Variants in RPS6KC1 observed in about 807,000 individuals in gnomAD.
The protein encoded by RPS6KC1 is ribosomal protein S6 kinase C1.
A neutral mutation model predicts 103.8 loss-of-function variants in RPS6KC1; 54 were observed. The observed-to-expected ratio is 0.52, with a 90% confidence interval of 0.42 to 0.65. The LOEUF is 0.65. RPS6KC1 is among the 30% of genes least tolerant of loss of function. RPS6KC1 has a pLI of 0.00. For synonymous variants in RPS6KC1, 439 were observed against 438.7 expected, an observed-to-expected ratio of 1.00 and a Z score of -0.01; for missense variants, 1,151 against 1,253.8, an observed-to-expected ratio of 0.92 and a Z score of 1.24.
chr1:213,430,290 A>C, the RPS6KC1 span, among the ~76,000 whole-genome samples: 2 of 152,248 alleles, frequency 1.3e-5, no homozygotes, highest in African/African-American at 4.8e-5. Flanking sequence ...ATTGAGCAGA[A>C]TTGCACGGTG....
At chr1:213,657,570 T>C in the RPS6KC1 span, among the ~76,000 whole-genome samples, 4 of 152,132 alleles carry the variant, frequency 2.6e-5, no homozygotes, top group Admixed American at 6.5e-5. Context: ...AATAACACGA[T>C]TACATCACCA....
intron 6 of RPS6KC1, 77 bp from the exon 7 acceptor site, chr1:213,167,781 A>G (rs1418223521): frequency 2.6e-6 from 2 of 757,050 alleles, no homozygotes; most frequent in Non-Finnish European, 4.3e-6. Context: ...CAAGCAGTGT[A>G]TTGGGTAGAA....
chr1:213,513,475 AG>A, the RPS6KC1 span, among the ~76,000 whole-genome samples: 1 of 141,336 alleles, frequency 7.1e-6, no homozygotes, highest in Non-Finnish European at 1.6e-5. Flanking sequence ...GAGATAGCAC[AG>A]TTCCTTCTCT....
chr1:213,082,453 A>G lies in RPS6KC1; in HGVS notation c.262+4637A>G, dbSNP rs545950705. On this transcript the variant is annotated intron_variant, in intron 3 of 14. Coordinates refer to ENST00000366960, the MANE Select transcript of RPS6KC1 (RefSeq NM_012424.6). ...CCCAAAAAAATAAATAATAAAAAAAAGTAGTGATTAGTTGGAGCCTCATGG... is the reference window on the plus strand; with the variant it reads ...CCCAAAAAAATAAATAATAAAAAAAGGTAGTGATTAGTTGGAGCCTCATGG... 3.3e-5 allele frequency among the ~76,000 whole-genome samples: 5 copies of G among 151,796 alleles called. No homozygotes were observed. In the South Asian group the frequency reaches 8.3e-4, roughly 25 times the overall value.
chr1:213,532,136 T>C, the RPS6KC1 span, among the ~76,000 whole-genome samples: 1 of 152,122 alleles, frequency 6.6e-6, no homozygotes. Context: ...AGGCTGCCCA[T>C]CAAAACACAT....
chr1:213,145,390 G>A (rs553751812), intron 6 of RPS6KC1, among the ~76,000 whole-genome samples: 24 of 152,200 alleles, frequency 1.6e-4, no homozygotes, highest in African/African-American at 5.3e-4. Flanking sequence ...TGCAGGATAC[G>A]ATATTTAGAA....
chr1:213,623,534 T>C, the RPS6KC1 span, among the ~76,000 whole-genome samples: 1 of 151,908 alleles, frequency 6.6e-6, no homozygotes, highest in Non-Finnish European at 1.5e-5. Context: ...GGCAAATACA[T>C]AAATAGATAA....
the RPS6KC1 span, among the ~76,000 whole-genome samples, chr1:213,850,948 C>G: frequency 5.9e-5 from 9 of 152,052 alleles, no homozygotes; most frequent in Non-Finnish European, 1.3e-4. Flanking sequence ...CATGTTTTCC[C>G]TCAAGGAAGT....
the RPS6KC1 span, among the ~76,000 whole-genome samples, chr1:213,333,689 C>T: frequency 6.6e-6 from 1 of 152,172 alleles, no homozygotes; most frequent in Non-Finnish European, 1.5e-5. Context: ...GATGGAATCT[C>T]GCTGTGTCAC....
intron 3 of RPS6KC1, among the ~76,000 whole-genome samples, chr1:213,092,626 C>T (rs944382017): frequency 6.7e-6 from 1 of 150,058 alleles, no homozygotes; most frequent in Non-Finnish European, 1.5e-5. Context: ...GAGCCCAGAT[C>T]GTGCCACTGC....
the RPS6KC1 span, among the ~76,000 whole-genome samples, chr1:213,311,191 T>C: frequency 6.6e-6 from 1 of 150,918 alleles, no homozygotes; most frequent in East Asian, 1.9e-4. Flanking sequence ...CAGGCTGGAG[T>C]GCAGTGACGC....
At chr1:213,565,164 A>G in the RPS6KC1 span, among the ~76,000 whole-genome samples, 1 of 152,252 alleles carries the variant, frequency 6.6e-6, no homozygotes, top group African/African-American at 2.4e-5. Context: ...ACAGAAATTC[A>G]TATATTAGAA....
the RPS6KC1 span, among the ~76,000 whole-genome samples, chr1:213,671,783 T>TAACAAC: frequency 4.0e-5 from 6 of 151,684 alleles, no homozygotes; most frequent in African/African-American, 1.5e-4. Context: ...GAATCTGTCT[T>TAACAAC]AACAACAACA....
At chr1:213,585,424 G>A in the RPS6KC1 span, among the ~76,000 whole-genome samples, 1 of 152,138 alleles carries the variant, frequency 6.6e-6, no homozygotes, top group African/African-American at 2.4e-5. Flanking sequence ...AATGAAAAGT[G>A]TTCCACCCCC....
At chr1:213,858,208 T>G in the RPS6KC1 span, among the ~76,000 whole-genome samples, 9 of 152,206 alleles carry the variant, frequency 5.9e-5, no homozygotes, top group African/African-American at 2.2e-4. Context: ...GCCATATACT[T>G]TGTATGGATT....
At chr1:213,094,894 T>A (rs775460646) in intron 3 of RPS6KC1, among the ~76,000 whole-genome samples, 38 of 152,260 alleles carry the variant, frequency 2.5e-4, no homozygotes, top group Non-Finnish European at 4.9e-4. Flanking sequence ...CTGGTTACAA[T>A]GAATGACTAC....
At chr1:213,346,936 G>A in the RPS6KC1 span, among the ~76,000 whole-genome samples, 1 of 152,120 alleles carries the variant, frequency 6.6e-6, no homozygotes, top group Non-Finnish European at 1.5e-5. Flanking sequence ...ACTAGTGGAA[G>A]TTAAGAATAA....
the RPS6KC1 span, among the ~76,000 whole-genome samples, chr1:213,761,913 C>CTTTTATTAT: frequency 1.3e-5 from 2 of 151,706 alleles, no homozygotes; most frequent in Admixed American, 6.6e-5. Flanking sequence ...GAGTTTAGAT[C>CTTTTATTAT]TTTGATTATT....
the RPS6KC1 span, among the ~76,000 whole-genome samples, chr1:213,694,695 T>C: frequency 6.6e-6 from 1 of 152,180 alleles, no homozygotes; most frequent in Admixed American, 6.5e-5. Context: ...GGGCAACACA[T>C]AGCCATATGA....
Sources: allele counts gnomAD v4.1 joint callset (sites outside exome capture counted in the v4.1 genomes callset), GRCh38; gene constraint gnomAD v4.1.1; transcripts MANE v1.5; gene names NCBI Gene and HGNC (gene_info 2026-07-23, HGNC 2026-07-21).